Variants in FNIP1 observed in about 807,000 individuals in gnomAD.
FNIP1 encodes folliculin interacting protein 1.
In FNIP1, 40 loss-of-function variants were observed where a neutral mutation model predicts 124.5. The ratio of observed to expected loss-of-function variants is 0.32; its 90% CI spans 0.25 to 0.42. FNIP1 has a LOEUF of 0.42. Among genes scored for constraint, FNIP1 ranks in the 10% least tolerant of loss-of-function variants. The pLI is 1.00. For synonymous variants in FNIP1, 472 were observed against 470.6 expected, an observed-to-expected ratio of 1.00 and a Z score of -0.04; for missense variants, 1,176 against 1,403.7, an observed-to-expected ratio of 0.84 and a Z score of 2.59.
intron 1 of FNIP1, among the ~76,000 whole-genome samples, chr5:131,782,665 A>G (rs1772035374): frequency 6.6e-6 from 1 of 152,232 alleles, no homozygotes; most frequent in Non-Finnish European, 1.5e-5. Flanking sequence ...AGGATTCATC[A>G]TTCCAGAATA....
intron 12 of FNIP1, 36 bp from the exon 13 acceptor site, chr5:131,677,908 G>A (rs757884412): frequency 1.3e-6 from 2 of 1,591,416 alleles, no homozygotes; most frequent in South Asian, 2.2e-5. Flanking sequence ...ATTCCAATCA[G>A]TCTTCATGAA....
intron 9 of FNIP1, 125 bp downstream of exon 9, chr5:131,706,286 A>C: frequency 9.2e-7 from 1 of 1,091,522 alleles, no homozygotes. Flanking sequence ...AATGTAGTAA[A>C]TTTTAAAAGT....
intron 17 of FNIP1, among the ~76,000 whole-genome samples, chr5:131,645,035 A>T (rs1212130639): frequency 3.3e-5 from 5 of 152,200 alleles, no homozygotes; most frequent in African/African-American, 4.8e-5. Flanking sequence ...CTAGTGTAAT[A>T]ATAGCTGGGT....
At chr5:131,740,107 C>A (rs550852355) in intron 2 of FNIP1, among the ~76,000 whole-genome samples, 16 of 152,246 alleles carry the variant, frequency 1.1e-4, no homozygotes, top group African/African-American at 3.9e-4. Context: ...TTTAGCCTTT[C>A]CATTTGTTAA....
chr5:131,674,044 T>A (rs1767842584), intron 13 of FNIP1, among the ~76,000 whole-genome samples: 1 of 151,188 alleles, frequency 6.6e-6, no homozygotes, highest in South Asian at 2.1e-4. Context: ...CTCAAAAAAA[T>A]AAAAATAATA....
At chr5:131,790,886 G>A (rs1772386730) in intron 1 of FNIP1, among the ~76,000 whole-genome samples, 2 of 152,230 alleles carry the variant, frequency 1.3e-5, no homozygotes, top group South Asian at 4.1e-4. Context: ...ATAAATCAAA[G>A]GTGATAAACT....
At chr5:131,766,463 A>G (rs946926776) in intron 1 of FNIP1, among the ~76,000 whole-genome samples, 1 of 152,116 alleles carries the variant, frequency 6.6e-6, no homozygotes, top group African/African-American at 2.4e-5. Context: ...ATCTCCTTCT[A>G]AGTTATTTAG....
chr5:131,735,536 TTA>T (rs954925064), intron 2 of FNIP1, among the ~76,000 whole-genome samples: 2 of 148,146 alleles, frequency 1.4e-5, no homozygotes, highest in Non-Finnish European at 3.0e-5. Flanking sequence ...ATATACGTAT[TTA>T]TATACATGTA....
rs1290529554 is a variant in FNIP1, at chr5:131,693,333, C to CACATATATATATAT, written c.1202+5583_1202+5584insATATATATATATGT. Among the ~76,000 whole-genome samples, 171 of 50,140 alleles carry CACATATATATATAT rather than the reference C, an allele frequency of 3.4e-3. 2 individuals carry two copies. The highest frequency in any genetic ancestry group is 9.3e-3 in the African/African-American group (136 of 14,702). 32.9% of individuals were successfully genotyped at this position (50,140 alleles called of 152,430 possible). On this transcript the variant is annotated intron_variant, in intron 11 of 17. Transcript: ENST00000510461. ...ATATATATACACATATATATATATACATATATATATATATATATATATATA... is the reference window on the plus strand; with the variant it reads ...ATATATATACACATATATATATATACACATATATATATATATATATATATATATATATATATATA...
At chr5:131,741,635 T>C (rs73788758) in intron 2 of FNIP1, among the ~76,000 whole-genome samples, 4,565 of 152,272 alleles carry the variant, frequency 0.03, 226 homozygotes, top group African/African-American at 0.1. Context: ...CTGTGAAATA[T>C]TGCCTTCTCT....
intron 1 of FNIP1, among the ~76,000 whole-genome samples, chr5:131,781,477 G>C (rs980389101): frequency 6.6e-6 from 1 of 152,194 alleles, no homozygotes; most frequent in African/African-American, 2.4e-5. Context: ...AATGCAGCTA[G>C]TGACTTTAAG....
Position 131,766,577 on chromosome 5 carries a change from G to C in FNIP1, c.93-21887C>G, listed in dbSNP as rs146607994. Among the ~76,000 whole-genome samples, 9 of 152,324 alleles carry C rather than the reference G, an allele frequency of 5.9e-5. No homozygotes were observed. In the East Asian group the frequency reaches 1.5e-3, roughly 26 times the overall value. On this transcript the variant is annotated intron_variant, in intron 1 of 17. Transcript: ENST00000510461. ...ACAGAATATATATACAGATATATGA[G>C]AGGGGATTTATTAGGAAAATTGGCT... is the stretch of plus-strand genomic sequence containing the variant.
At chr5:131,706,350 C>T in intron 9 of FNIP1, 61 bp downstream of exon 9, 1 of 1,438,454 alleles carries the variant, frequency 7.0e-7, no homozygotes, top group Non-Finnish European at 9.2e-7. Flanking sequence ...CTAAAAAACC[C>T]ATATAAAATT....
intron 11 of FNIP1, among the ~76,000 whole-genome samples, chr5:131,689,131 G>C (rs1401522205): frequency 1.4e-5 from 2 of 142,484 alleles, no homozygotes; most frequent in Non-Finnish European, 3.1e-5. Context: ...AACTGCATTA[G>C]AGTTCTTGTT....
chr5:131,719,122 T>A, intron 4 of FNIP1, 62 bp from the exon 5 acceptor site: 7 of 1,493,400 alleles, frequency 4.7e-6, no homozygotes, highest in Non-Finnish European at 6.5e-6. Flanking sequence ...TTGGATTTAT[T>A]ATAAATAAAA....
intron 10 of FNIP1, among the ~76,000 whole-genome samples, chr5:131,700,380 ACTTTAAT>A (rs1339841882): frequency 1.3e-5 from 2 of 152,184 alleles, no homozygotes; most frequent in Admixed American, 6.5e-5. Context: ...GTCAAAAAGA[ACTTTAAT>A]CTTTAACACT....
chr5:131,795,754 A>G (rs1448580500), intron 1 of FNIP1: 1 of 152,194 alleles, frequency 6.6e-6, no homozygotes, highest in Non-Finnish European at 1.5e-5. Context: ...AATTTCTTAA[A>G]CCAGTGTGGC....
chr5:131,670,340 G>A lies in FNIP1; in HGVS notation c.3108+123C>T, dbSNP rs1008276164. The A allele has an allele frequency of 3.9e-6, 3 of 762,386 alleles. No homozygotes were observed. In the Admixed American group the frequency reaches 9.8e-5, roughly 25 times the overall value. The allele number at this position is 762,386 out of a possible 1,614,324, so 47.2% of individuals were successfully genotyped here. On this transcript the variant is annotated intron_variant, in intron 15 of 17. Coordinates refer to ENST00000510461, the MANE Select transcript of FNIP1 (RefSeq NM_133372.3). ...AAGATACGGGCACTGAATATAAAAT[G>A]ATGGATTCAGAGAACAATGATTGTG...
chr5:131,670,065 A>T (rs1767707232), intron 15 of FNIP1, among the ~76,000 whole-genome samples: 1 of 152,182 alleles, frequency 6.6e-6, no homozygotes, highest in Non-Finnish European at 1.5e-5. Context: ...GACTAATAAG[A>T]GTTTCAGAAA....
Sources: allele counts gnomAD v4.1 joint callset (sites outside exome capture counted in the v4.1 genomes callset), GRCh38; gene constraint gnomAD v4.1.1; transcripts MANE v1.5; gene names NCBI Gene and HGNC (gene_info 2026-07-23, HGNC 2026-07-21).